Variants in PLAAT1 observed in about 807,000 individuals in gnomAD.
PLAAT1 encodes H-REV107 protein-related protein.
In PLAAT1, 13 loss-of-function variants were observed where a neutral mutation model predicts 16.4. The ratio of observed to expected loss-of-function variants is 0.79; its 90% CI spans 0.52 to 1.26. PLAAT1 has a LOEUF of 1.26. Ranked by LOEUF, PLAAT1 falls within the 50% of genes most tolerant of loss-of-function variation. The pLI is 0.00. For missense variants in PLAAT1, 218 were observed against 207.8 expected (o/e 1.05, Z -0.30); for synonymous variants, 73 against 78.4 (o/e 0.93, Z 0.36).
chr3:193,257,744 C>T (rs1489121374), intron 2 of PLAAT1, among the ~76,000 whole-genome samples: 1 of 152,078 alleles, frequency 6.6e-6, no homozygotes, highest in Non-Finnish European at 1.5e-5. Flanking sequence ...GAGACAGACC[C>T]ACCCTCAATC....
downstream of PLAAT1, chr3:193,281,326 G>C (rs1440108226): frequency 2.7e-6 from 1 of 372,586 alleles, no homozygotes; most frequent in African/African-American, 2.2e-5. Flanking sequence ...TAAAAACTAG[G>C]TCTCGCCTGT....
intron 1 of PLAAT1, among the ~76,000 whole-genome samples, chr3:193,246,614 G>A (rs997859818): frequency 2.0e-5 from 3 of 152,038 alleles, no homozygotes; most frequent in South Asian, 2.1e-4. Flanking sequence ...CATCTGCCTC[G>A]GCCTCCCAAA....
At chr3:193,280,668 ACTC>A (rs1177664594), downstream of PLAAT1, among the ~76,000 whole-genome samples, 1 of 151,568 alleles carries the variant, frequency 6.6e-6, no homozygotes, top group Non-Finnish European at 1.5e-5. Context: ...AACCTCACCC[ACTC>A]CTCTGTCAGA....
At chr3:193,275,445 G>C, downstream of PLAAT1, 1 of 964,326 alleles carries the variant, frequency 1.0e-6, no homozygotes, top group Non-Finnish European at 1.5e-6. Flanking sequence ...CCTTTCCCAA[G>C]TTCTGGAATT....
At position 193,255,656 on chromosome 3, in the gene PLAAT1, G is replaced by A. The variant is rs140325597; in HGVS notation, c.6G>A (p.Ala2=). The part of the protein sequence containing the change: M[A]FNDCFSLNYP... ...CTTTGTATTTGTCATTGCAGATGGC[G>A]TTTAATGATTGCTTCAGTTTGAACT... Residue 2 remains alanine, a synonymous_variant, in exon 2 of 4, where the codon GCG becomes GCA. Transcript: ENST00000264735. 46 of 1,606,334 alleles carry A rather than the reference G, an allele frequency of 2.9e-5. No homozygotes were observed. Among genetic ancestry groups the A allele is most frequent in the East Asian group, 8.9e-5 (4 of 44,720 alleles).
intron 2 of PLAAT1, among the ~76,000 whole-genome samples, chr3:193,259,528 T>G (rs1716507620): frequency 1.3e-5 from 2 of 152,154 alleles, no homozygotes. Context: ...CTTCAGTAAA[T>G]TTTTAGGATA....
downstream of PLAAT1, chr3:193,274,923 T>C (rs1717113899): frequency 2.1e-6 from 3 of 1,395,682 alleles, no homozygotes; most frequent in South Asian, 4.1e-5. Flanking sequence ...ATTGAAAATA[T>C]ACTTTGAATG....
At chr3:193,272,321 C>T (rs1490883650), downstream of PLAAT1, among the ~76,000 whole-genome samples, 1 of 151,986 alleles carries the variant, frequency 6.6e-6, no homozygotes, top group Non-Finnish European at 1.5e-5. Flanking sequence ...CGGGCGCCTA[C>T]AGTCCCAGCT....
At chr3:193,270,137 A>C (rs1489692745) in intron 3 of PLAAT1, among the ~76,000 whole-genome samples, 1 of 151,760 alleles carries the variant, frequency 6.6e-6, no homozygotes. Flanking sequence ...GTGTAGACCC[A>C]ACCAATCCAA....
chr3:193,265,047 C>T (rs112472384), intron 3 of PLAAT1, among the ~76,000 whole-genome samples: 29 of 152,240 alleles, frequency 1.9e-4, no homozygotes, highest in African/African-American at 7.0e-4. Context: ...CTCTCTTGCC[C>T]TTCTGGTAGG....
At chr3:193,273,046 C>T (rs1001978199), downstream of PLAAT1, among the ~76,000 whole-genome samples, 9 of 152,070 alleles carry the variant, frequency 5.9e-5, no homozygotes, top group East Asian at 1.9e-4. Flanking sequence ...AAATAAAGAT[C>T]GTTATCCACC....
downstream of PLAAT1, among the ~76,000 whole-genome samples, chr3:193,278,887 A>G (rs1717350607): frequency 6.6e-6 from 1 of 152,152 alleles, no homozygotes; most frequent in Non-Finnish European, 1.5e-5. Context: ...AATAGCCTTG[A>G]TGAATTAGAT....
At chr3:193,275,327 T>C (rs192963315), downstream of PLAAT1, 377 of 1,608,664 alleles carry the variant, frequency 2.3e-4, 3 homozygotes, top group African/African-American at 4.5e-3. Context: ...GGGAAAACAA[T>C]CAATTTATTG....
At chr3:193,272,390 C>T (rs1376210768), downstream of PLAAT1, among the ~76,000 whole-genome samples, 2 of 152,058 alleles carry the variant, frequency 1.3e-5, no homozygotes, top group Non-Finnish European at 2.9e-5. Flanking sequence ...TGCAGTGAGC[C>T]GAGATCACTC....
chr3:193,252,971 A>G (rs1716248524), intron 1 of PLAAT1, among the ~76,000 whole-genome samples: 1 of 152,086 alleles, frequency 6.6e-6, no homozygotes, highest in Admixed American at 6.6e-5. Flanking sequence ...AATGTGGGTG[A>G]GCGGTGAGTA....
intron 1 of PLAAT1, among the ~76,000 whole-genome samples, chr3:193,244,795 T>C (rs964796751): frequency 7.9e-5 from 12 of 152,102 alleles, no homozygotes. Context: ...AGGTCTCTCT[T>C]CCTGTGATAA....
At chr3:193,258,417 A>G (rs1170715393) in intron 2 of PLAAT1, among the ~76,000 whole-genome samples, 2 of 152,160 alleles carry the variant, frequency 1.3e-5, no homozygotes, top group African/African-American at 2.4e-5. Context: ...ATTGGAGAAA[A>G]ACTGAAAGAA....
chr3:193,266,043 AG>A lies in PLAAT1; in HGVS notation c.405+2811del, dbSNP rs562050509. On this transcript the variant is annotated intron_variant, in intron 3 of 3. Coordinates refer to ENST00000264735, the MANE Select transcript of PLAAT1 (RefSeq NM_020386.5). ...GTTCTGAAGATGTGCTGTACAACATAGGGCCTATGATTAATGATACTATGTT... is the reference window on the plus strand; with the variant it reads ...GTTCTGAAGATGTGCTGTACAACATAGGCCTATGATTAATGATACTATGTT... Among the ~76,000 whole-genome samples the A allele has an allele frequency of 1.4e-3, 214 of 152,330 alleles. 4 individuals carry two copies. The South Asian group carries it at 0.02, about 14-fold the overall frequency.
At position 193,256,529 on chromosome 3, in the gene PLAAT1, G is replaced by C. The variant is rs545852085; in HGVS notation, c.139+740G>C. ...AGTTTGTAAAAGAAGAAAAGCAAAA[G>C]CTAATACACCTTTTGAAAAAATTTC... On this transcript the variant is annotated intron_variant, in intron 2 of 3. Transcript: ENST00000264735. Among the ~76,000 whole-genome samples the C allele has an allele frequency of 4.6e-5, 7 of 152,266 alleles. No homozygotes were observed. The South Asian group carries it at 1.5e-3, about 32-fold the overall frequency.
Sources: gnomAD v4.1 joint callset for allele counts (sites outside exome capture counted in the v4.1 genomes callset) on GRCh38, gnomAD v4.1.1 for gene constraint, MANE v1.5 for transcripts, NCBI Gene and HGNC (gene_info 2026-07-23, HGNC 2026-07-21) for gene names.